Variants in CFAP20DC observed in about 807,000 individuals in gnomAD.
CFAP20DC encodes the protein CFAP20 domain containing, also known as protein CFAP20DC.
In CFAP20DC, 84 loss-of-function variants were observed where a neutral mutation model predicts 101.7. That is an observed-to-expected ratio of 0.83 (90% CI 0.69 to 0.99). The LOEUF is 0.99. CFAP20DC is among the 50% of genes least tolerant of loss of function. CFAP20DC has a pLI of 0.00. For synonymous variants in CFAP20DC, 359 were observed against 351.2 expected, an observed-to-expected ratio of 1.02 and a Z score of -0.25; for missense variants, 1,007 against 970.3, an observed-to-expected ratio of 1.04 and a Z score of -0.50.
chr3:58,888,786 G>A (rs1339472518), intron 6 of CFAP20DC, among the ~76,000 whole-genome samples: 1 of 152,204 alleles, frequency 6.6e-6, no homozygotes, highest in Non-Finnish European at 1.5e-5. Context: ...ATGCGTGCAT[G>A]TATCCTTATA....
chr3:58,720,769 C>T (rs2067461979), intron 3 of CFAP20DC, among the ~76,000 whole-genome samples: 1 of 152,128 alleles, frequency 6.6e-6, no homozygotes, highest in Non-Finnish European at 1.5e-5. Context: ...TTACATACAA[C>T]TTAATTAGTG....
At chr3:58,884,227 A>C (rs1413268238) in intron 7 of CFAP20DC, among the ~76,000 whole-genome samples, 1 of 152,206 alleles carries the variant, frequency 6.6e-6, no homozygotes, top group Non-Finnish European at 1.5e-5. Flanking sequence ...TGTTAACTGC[A>C]ATTTAATGTA....
chr3:58,742,276 T>G lies in CFAP20DC; in HGVS notation c.*184A>C, dbSNP rs775768489. ...AATTTCTTCAGTTTCAAAATCATACTCATCTACAAAAGGAATATAGGTATT... is the reference window on the plus strand; with the variant it reads ...AATTTCTTCAGTTTCAAAATCATACGCATCTACAAAAGGAATATAGGTATT... On this transcript the variant is annotated 3_prime_UTR_variant, in exon 17 of 17. Coordinates refer to ENST00000482387, the MANE Select transcript of CFAP20DC (RefSeq NM_001394063.1). The G allele has an allele frequency of 2.4e-5, 28 of 1,167,884 alleles. No individual in the cohort carries two copies. The highest frequency in any genetic ancestry group is 2.9e-5 in the Non-Finnish European group (27 of 943,976). 72.3% of individuals were successfully genotyped at this position (1,167,884 alleles called of 1,614,324 possible).
Position 58,913,707 on chromosome 3 carries a change from C to A in CFAP20DC, c.550+1G>T, listed in dbSNP as rs953650485. On this transcript the variant is annotated splice_donor_variant, in intron 6 of 16. Coordinates refer to ENST00000482387, the MANE Select transcript of CFAP20DC (RefSeq NM_001394063.1). LOFTEE classifies it high-confidence loss of function. This position sits in a 1 kb window ranked among gnomAD's most constrained non-coding sequence, Gnocchi z 4.4. The stretch of plus-strand genomic sequence containing the variant: ...AAATCTTGATAGCAACCTGAACATA[C>A]CATCCTTATCAGCAGTGTCTTGTGG... 5 of 1,613,400 alleles carry A rather than the reference C, an allele frequency of 3.1e-6. No individual in the cohort carries two copies. Among genetic ancestry groups the A allele is most frequent in the Non-Finnish European group, 4.2e-6 (5 of 1,179,688 alleles).
chr3:59,047,084 A>T (rs1419635714), intron 2 of CFAP20DC, 81 bp downstream of exon 2: 2 of 921,032 alleles, frequency 2.2e-6, no homozygotes, highest in Non-Finnish European at 3.3e-6. Flanking sequence ...ACAGCTCTGA[A>T]ATTTGATCAC....
chr3:59,012,990 G>A (rs114058488), intron 4 of CFAP20DC, among the ~76,000 whole-genome samples: 1,793 of 152,188 alleles, frequency 0.012, 33 homozygotes, highest in African/African-American at 0.041. Flanking sequence ...TTAAAAGAAC[G>A]CATAATTTCA....
At chr3:58,763,437 G>A (rs533409619) in intron 15 of CFAP20DC, among the ~76,000 whole-genome samples, 8 of 144,190 alleles carry the variant, frequency 5.5e-5, no homozygotes, top group African/African-American at 7.8e-5. Flanking sequence ...TTAGCCATTC[G>A]TCTAATTTTT....
chr3:58,958,937 CACA>C (rs1323708576), intron 4 of CFAP20DC, among the ~76,000 whole-genome samples: 1 of 151,838 alleles, frequency 6.6e-6, no homozygotes, highest in Non-Finnish European at 1.5e-5. Flanking sequence ...TCTTTTGAAA[CACA>C]ACATTTTAAA....
intron 13 of CFAP20DC, among the ~76,000 whole-genome samples, chr3:58,848,523 G>A (rs955143919): frequency 3.9e-5 from 6 of 152,126 alleles, no homozygotes; most frequent in African/African-American, 1.4e-4. Context: ...TGATGGACAC[G>A]AATACAGCCA....
intron 4 of CFAP20DC, chr3:59,017,574 AAAC>A (rs1247921885): frequency 6.6e-6 from 1 of 152,148 alleles, no homozygotes; most frequent in Non-Finnish European, 1.5e-5. Flanking sequence ...GAGGAGAAAC[AAAC>A]AAAACAAAAA....
intron 15 of CFAP20DC, among the ~76,000 whole-genome samples, chr3:58,793,160 T>C (rs1272114901): frequency 1.3e-5 from 2 of 152,164 alleles, no homozygotes; most frequent in Non-Finnish European, 2.9e-5. Flanking sequence ...AAAAATATCA[T>C]TAAATCAGCA....
intron 3 of CFAP20DC, among the ~76,000 whole-genome samples, chr3:59,041,194 G>C (rs1699350776): frequency 6.6e-6 from 1 of 152,060 alleles, no homozygotes; most frequent in Admixed American, 6.6e-5. Context: ...TTTAAAAAAG[G>C]TCCCTAATTT....
intron 6 of CFAP20DC, among the ~76,000 whole-genome samples, chr3:58,903,818 A>G (rs1189055466): frequency 1.3e-5 from 2 of 152,192 alleles, no homozygotes; most frequent in Non-Finnish European, 2.9e-5. Flanking sequence ...CAGCCAAACC[A>G]TATCAGTTTG....
intron 15 of CFAP20DC, among the ~76,000 whole-genome samples, chr3:58,778,084 T>C (rs2071495435): frequency 6.6e-6 from 1 of 152,218 alleles, no homozygotes; most frequent in Non-Finnish European, 1.5e-5. Flanking sequence ...GGACTGCTAC[T>C]GCTACAGGTT....
chr3:58,758,090 C>T (rs140771558), intron 15 of CFAP20DC, among the ~76,000 whole-genome samples: 87 of 152,196 alleles, frequency 5.7e-4, no homozygotes, highest in African/African-American at 2.0e-3. Flanking sequence ...ACAGAACACA[C>T]CTTGGGAAAT....
chr3:58,945,340 A>G (rs547374292), intron 4 of CFAP20DC, among the ~76,000 whole-genome samples: 2 of 152,206 alleles, frequency 1.3e-5, no homozygotes, highest in Non-Finnish European at 2.9e-5. Context: ...TTAATATCTA[A>G]TGGCTAAGAT....
intron 4 of CFAP20DC, among the ~76,000 whole-genome samples, chr3:58,965,670 A>AGTAAAT (rs2108289814): frequency 6.6e-6 from 1 of 152,348 alleles, no homozygotes; most frequent in Non-Finnish European, 1.5e-5. Flanking sequence ...CCTGCCATAC[A>AGTAAAT]GTAAATGCTC....
At chr3:58,928,442 T>TCATGTAAATCC (rs374338673) in intron 5 of CFAP20DC, among the ~76,000 whole-genome samples, 147 of 152,264 alleles carry the variant, frequency 9.7e-4, no homozygotes, top group African/African-American at 3.3e-3. Context: ...GCTTATTAAT[T>TCATGTAAATCC]CATGTAAATC....
In CFAP20DC at chr3:58,890,983, G is replaced by C. The variant is rs1195875179; in HGVS notation, c.551-6274C>G. On this transcript the variant is annotated intron_variant, in intron 6 of 16. Coordinates refer to ENST00000482387, the MANE Select transcript of CFAP20DC (RefSeq NM_001394063.1). ...GGGGCTCCTCACATCCCAGACGATG[G>C]GCGGCCAGGCAGAGACACTCCTCAC... 5.0e-4 allele frequency among the ~76,000 whole-genome samples: 74 copies of C among 147,126 alleles called. 1 individual carries two copies. The highest frequency in any genetic ancestry group is 1.8e-3 in the African/African-American group (72 of 39,292).
Sources: gnomAD v4.1 joint callset for allele counts (sites outside exome capture counted in the v4.1 genomes callset) on GRCh38, gnomAD v4.1.1 for gene constraint, Gnocchi (gnomAD v3.1) non-coding constraint, MANE v1.5 for transcripts, NCBI Gene and HGNC (gene_info 2026-07-23, HGNC 2026-07-21) for gene names.